GIGYF2: variants seen among roughly 807,000 people sequenced by gnomAD.
GIGYF2 encodes the protein GRB10 interacting GYF protein 2.
A neutral mutation model predicts 208.1 loss-of-function variants in GIGYF2; 25 were observed. That is an observed-to-expected ratio of 0.12 (90% CI 0.09 to 0.17). GIGYF2 has a LOEUF of 0.17. Among genes scored for constraint, GIGYF2 ranks in the 10% least tolerant of loss-of-function variants. GIGYF2 has a pLI of 1.00. For missense variants in GIGYF2, 1,302 were observed against 1,579.4 expected, an observed-to-expected ratio of 0.82 and a Z score of 2.98; for synonymous variants, 534 against 543.8, an observed-to-expected ratio of 0.98 and a Z score of 0.25.
chr2:232,756,172 T>C (rs780796306), intron 5 of GIGYF2, 51 bp from the exon 6 acceptor site: 1 of 1,118,298 alleles, frequency 8.9e-7, no homozygotes, highest in South Asian at 1.4e-5. Context: ...TCATCCATTT[T>C]TTTCTTTCTT....
rs1347493873 is a variant in GIGYF2, at chr2:232,784,393, T to TTTTC, written c.533-2754_533-2753insCTTT. ...ACTTACACGAAATAATTTCTTTTTT[T>TTTTC]TTTTTTTTTTTTTTGAGACGGAGTC... is the stretch of plus-strand genomic sequence containing the variant. On this transcript the variant is annotated intron_variant, in intron 8 of 28. Coordinates refer to ENST00000373563, the MANE Select transcript of GIGYF2 (RefSeq NM_001103146.3). 1.1e-4 allele frequency among the ~76,000 whole-genome samples: 14 copies of TTTTC among 127,220 alleles called. 1 individual carries two copies. The highest frequency in any genetic ancestry group is 4.0e-4 in the African/African-American group (13 of 32,626). The allele number at this position is 127,220 out of a possible 152,430, so 83.5% of individuals were successfully genotyped here.
In GIGYF2 at chr2:232,845,627, C is replaced by G. The variant is rs531072438; in HGVS notation, c.3306-105C>G. 1.5e-3 allele frequency: 1,463 copies of G among 991,094 alleles called. 8 individuals are homozygous for G. The highest frequency in any genetic ancestry group is 1.8e-3 in the Non-Finnish European group (1,106 of 623,476). 61.4% of individuals were successfully genotyped at this position (991,094 alleles called of 1,614,324 possible). A position where few individuals can be genotyped will look rare whatever the true frequency, so the allele number is the denominator to read the frequency against. On this transcript the variant is annotated intron_variant, in intron 25 of 28. Transcript: ENST00000373563. Reference sequence around the variant, plus strand: ...TTGGAGCCAAGCATTGGATTATTTACTGGGCATCCATCCAGTATTGCCAAG... The same window carrying G: ...TTGGAGCCAAGCATTGGATTATTTAGTGGGCATCCATCCAGTATTGCCAAG...
chr2:232,806,469 T>C lies in GIGYF2; in HGVS notation c.1640-22T>C. On this transcript the variant is annotated intron_variant, in intron 14 of 28. Coordinates refer to ENST00000373563, the MANE Select transcript of GIGYF2 (RefSeq NM_001103146.3). The surrounding 1 kb of genome is among the most constrained non-coding windows in gnomAD (Gnocchi z 4.0). The stretch of plus-strand genomic sequence containing the variant: ...TCTGAAAGGTTTCTTATTGTCTTTC[T>C]GTTTAATTGGTGCTGTTATAGGTCC... 1 of 1,543,054 alleles carries C rather than the reference T, an allele frequency of 6.5e-7. No homozygotes were observed. The highest frequency in any genetic ancestry group is 9.0e-7 in the Non-Finnish European group (1 of 1,115,102).
intron 14 of GIGYF2, among the ~76,000 whole-genome samples, chr2:232,797,122 T>C (rs757757854): frequency 1.1e-4 from 16 of 151,564 alleles, no homozygotes; most frequent in Non-Finnish European, 2.1e-4. Context: ...GGTAGAGAAC[T>C]ACTAAAAATG....
chr2:232,761,519 C>T, intron 8 of GIGYF2, 83 bp downstream of exon 8: 1 of 796,780 alleles, frequency 1.3e-6, no homozygotes, highest in Non-Finnish European at 2.2e-6. Flanking sequence ...GATGGGGCTG[C>T]AGCATTTCCT....
chr2:232,842,413 TTAAG>T (rs1386427612), intron 23 of GIGYF2, among the ~76,000 whole-genome samples: 1 of 152,218 alleles, frequency 6.6e-6, no homozygotes, highest in Non-Finnish European at 1.5e-5. Context: ...ATTTTGTTCT[TTAAG>T]TATTTTTTAT....
At chr2:232,708,782 A>T (rs1285689322) in intron 2 of GIGYF2, among the ~76,000 whole-genome samples, 2 of 149,990 alleles carry the variant, frequency 1.3e-5, no homozygotes, top group African/African-American at 4.9e-5. Flanking sequence ...CTCCCATTGC[A>T]CTCCAGCCTG....
chr2:232,706,838 G>T (rs1696135475), intron 2 of GIGYF2, among the ~76,000 whole-genome samples: 1 of 151,264 alleles, frequency 6.6e-6, no homozygotes, highest in Non-Finnish European at 1.5e-5. Context: ...TGCATGCCTT[G>T]GTCCCAGTTA....
intron 3 of GIGYF2, among the ~76,000 whole-genome samples, chr2:232,739,755 A>C (rs752340952): frequency 6.6e-6 from 1 of 152,108 alleles, no homozygotes; most frequent in Non-Finnish European, 1.5e-5. Flanking sequence ...TAGCTTTGCT[A>C]ACGTTTTGGT....
chr2:232,720,843 C>T (rs1459343657), intron 2 of GIGYF2, among the ~76,000 whole-genome samples: 1 of 152,146 alleles, frequency 6.6e-6, no homozygotes, highest in South Asian at 2.1e-4. Context: ...GATCTGCCCA[C>T]CTCAGCCTCC....
At position 232,723,727 on chromosome 2, in the gene GIGYF2, C is replaced by CTTTTT. The variant is rs142680480; in HGVS notation, c.-43-11410_-43-11406dup. Reference sequence around the variant, plus strand: ...ACAGGTGTGAGCCACTGTGCCCGGCCTTTTTTTTTTTTTTTTTTTTTTGAG... The same window carrying CTTTTT: ...ACAGGTGTGAGCCACTGTGCCCGGCCTTTTTTTTTTTTTTTTTTTTTTTTTTTGAG... On this transcript the variant is annotated intron_variant, in intron 2 of 28. Coordinates refer to ENST00000373563, the MANE Select transcript of GIGYF2 (RefSeq NM_001103146.3). 4.0e-4 allele frequency among the ~76,000 whole-genome samples: 26 copies of CTTTTT among 65,512 alleles called. 1 individual carries two copies. The highest frequency in any genetic ancestry group is 2.1e-3 in the East Asian group (4 of 1,866). The allele number at this position is 65,512 out of a possible 152,430, so 43.0% of individuals were successfully genotyped here.
intron 22 of GIGYF2, among the ~76,000 whole-genome samples, chr2:232,835,933 G>A (rs1008894003): frequency 6.6e-6 from 1 of 151,214 alleles, no homozygotes; most frequent in African/African-American, 2.4e-5. Context: ...GATAACTCTC[G>A]GATTACAGTC....
intron 2 of GIGYF2, among the ~76,000 whole-genome samples, chr2:232,707,871 C>G (rs1696199629): frequency 6.6e-6 from 1 of 152,090 alleles, no homozygotes; most frequent in East Asian, 1.9e-4. Flanking sequence ...CTCTTGACCT[C>G]AGGTGATCCA....
chr2:232,830,391 A>G (rs1574933428), intron 21 of GIGYF2, among the ~76,000 whole-genome samples: 1 of 152,202 alleles, frequency 6.6e-6, no homozygotes, highest in Non-Finnish European at 1.5e-5. Context: ...ATTATAAGAA[A>G]CTAGAACCCC....
At chr2:232,805,176 G>A (rs1038046473) in intron 14 of GIGYF2, among the ~76,000 whole-genome samples, 1 of 152,080 alleles carries the variant, frequency 6.6e-6, no homozygotes, top group Non-Finnish European at 1.5e-5. Flanking sequence ...GTGGGTAGTT[G>A]AAAAGAATAT....
chr2:232,718,339 T>C (rs1447871473), intron 2 of GIGYF2, among the ~76,000 whole-genome samples: 1 of 152,170 alleles, frequency 6.6e-6, no homozygotes, highest in Non-Finnish European at 1.5e-5. Context: ...CCTCACGCGA[T>C]CCACTCACCT....
intron 5 of GIGYF2, among the ~76,000 whole-genome samples, chr2:232,753,188 A>G (rs1314824371): frequency 2.0e-5 from 3 of 151,414 alleles, no homozygotes; most frequent in Non-Finnish European, 2.9e-5. Flanking sequence ...CAGTGGTGTG[A>G]TCTTGGCTCA....
At chr2:232,708,689 AAAAG>A (rs1696245279) in intron 2 of GIGYF2, among the ~76,000 whole-genome samples, 1 of 140,964 alleles carries the variant, frequency 7.1e-6, no homozygotes, top group Non-Finnish European at 1.5e-5. Flanking sequence ...AAAAAAAAAA[AAAAG>A]TAGCTGGGCA....
intron 15 of GIGYF2, 71 bp from the exon 16 acceptor site, chr2:232,809,649 T>G: frequency 1.2e-6 from 1 of 846,764 alleles, no homozygotes; most frequent in Non-Finnish European, 2.1e-6. Flanking sequence ...TTCAGATACC[T>G]GTACTAAGTG....
Sources: allele counts gnomAD v4.1 joint callset (sites outside exome capture counted in the v4.1 genomes callset), GRCh38; gene constraint gnomAD v4.1.1; non-coding constraint Gnocchi (gnomAD v3.1); transcripts MANE v1.5; gene names NCBI Gene and HGNC (gene_info 2026-07-23, HGNC 2026-07-21).